C11orf97: variants seen among roughly 807,000 people sequenced by gnomAD.
The protein encoded by C11orf97 is uncharacterized protein C11orf97.
Under a neutral mutation model 16.2 loss-of-function variants are expected in C11orf97, and 15 were observed. The observed-to-expected ratio is 0.93, with a 90% CI of 0.62 to 1.43. C11orf97 has a LOEUF of 1.43. Ranked by LOEUF, C11orf97 falls within the 40% of genes most tolerant of loss-of-function variation. The probability of loss-of-function intolerance (pLI) is 0.00; values close to 1 mark genes in which losing one functional copy is unlikely to be tolerated. For missense variants in C11orf97, 171 were observed against 161.2 expected (o/e 1.06, Z -0.33); for synonymous variants, 61 against 65.7 (o/e 0.93, Z 0.34).
At chr11:94,529,883 G>C (rs922202590) in intron 3 of C11orf97, among the ~76,000 whole-genome samples, 15 of 152,132 alleles carry the variant, frequency 9.9e-5, no homozygotes, top group Middle Eastern at 3.2e-3. Flanking sequence ...CCAAAGTCTG[G>C]GCCACTTGCC....
At chr11:94,520,504 C>T (rs1482939480) in intron 2 of C11orf97, among the ~76,000 whole-genome samples, 1 of 152,192 alleles carries the variant, frequency 6.6e-6, no homozygotes, top group Non-Finnish European at 1.5e-5. Flanking sequence ...CTATACTTTT[C>T]CCCTTAAATC....
intron 2 of C11orf97, among the ~76,000 whole-genome samples, chr11:94,526,320 C>T (rs536348229): frequency 6.6e-6 from 1 of 152,280 alleles, no homozygotes; most frequent in Non-Finnish European, 1.5e-5. Context: ...TTCCTGCAAC[C>T]ATTATCCCTG....
intron 2 of C11orf97, among the ~76,000 whole-genome samples, chr11:94,521,191 C>G (rs1268590474): frequency 6.6e-6 from 1 of 152,214 alleles, no homozygotes; most frequent in Non-Finnish European, 1.5e-5. Context: ...CCTTCTAATC[C>G]CTATACTGCT....
At chr11:94,521,136 C>T (rs1277251429) in intron 2 of C11orf97, among the ~76,000 whole-genome samples, 2 of 152,202 alleles carry the variant, frequency 1.3e-5, no homozygotes, top group Non-Finnish European at 1.5e-5. Flanking sequence ...CTCAGAGAGG[C>T]CTTTCCACTC....
chr11:94,524,444 T>A (rs1333323072), intron 2 of C11orf97, among the ~76,000 whole-genome samples: 1 of 152,040 alleles, frequency 6.6e-6, no homozygotes, highest in East Asian at 1.9e-4. Context: ...AAAAAAGAAA[T>A]GTTACTAGTT....
chr11:94,524,341 CT>C (rs1413432946), intron 2 of C11orf97, among the ~76,000 whole-genome samples: 1 of 152,032 alleles, frequency 6.6e-6, no homozygotes, highest in African/African-American at 2.4e-5. Flanking sequence ...CCATTGGGTT[CT>C]TCTATCTCTC....
chr11:94,518,414 A>G (rs944279593), intron 2 of C11orf97, among the ~76,000 whole-genome samples: 2 of 102,738 alleles, frequency 1.9e-5, no homozygotes, highest in African/African-American at 7.4e-5. Flanking sequence ...TCTGCAGTGG[A>G]GCCCAAGAAT....
chr11:94,524,120 A>ATTTGCAGAGATTATGGTTATCATT (rs1400297850), intron 2 of C11orf97, among the ~76,000 whole-genome samples: 6 of 151,992 alleles, frequency 3.9e-5, no homozygotes, highest in African/African-American at 1.4e-4. Context: ...AATAGTAATA[A>ATTTGCAGAGATTATGGTTATCATT]TGGTTATCAT....
chr11:94,524,291 T>C (rs1947681944), intron 2 of C11orf97, among the ~76,000 whole-genome samples: 1 of 152,194 alleles, frequency 6.6e-6, no homozygotes, highest in Non-Finnish European at 1.5e-5. Flanking sequence ...CACTGATACT[T>C]GGATGCAGGT....
chr11:94,532,042 A>G lies in C11orf97; in HGVS notation c.*142A>G, dbSNP rs190037553. On this transcript the variant is annotated 3_prime_UTR_variant, in exon 4 of 4. Transcript: ENST00000542198. ...ATTACTATTATTGGTATTAATACCTATCTATAAATTAATCCAAAGTAATGA... is the reference window on the plus strand; with the variant it reads ...ATTACTATTATTGGTATTAATACCTGTCTATAAATTAATCCAAAGTAATGA... 1.8e-5 allele frequency: 9 copies of G among 506,152 alleles called. No homozygotes were observed. In the African/African-American group the frequency reaches 1.8e-4, roughly 10 times the overall value. The allele number at this position is 506,152 out of a possible 1,614,324, so 31.4% of individuals were successfully genotyped here.
chr11:94,515,598 T>TTTTTTTCCTTTTCCTTTCCTC (rs1449008555), intron 1 of C11orf97, among the ~76,000 whole-genome samples: 3 of 144,576 alleles, frequency 2.1e-5, no homozygotes, highest in South Asian at 4.5e-4. Context: ...CCTTTCTCCT[T>TTTTTTTCCTTTTCCTTTCCTC]TTTTTTCCTT....
rs1947699580 is a variant in C11orf97, at chr11:94,526,245, A to T, written c.251-1839A>T. On this transcript the variant is annotated intron_variant, in intron 2 of 3. Coordinates refer to ENST00000542198, the MANE Select transcript of C11orf97 (RefSeq NM_001190462.2). ...TTCTAGACCCCCTTTTATCCAGTCA[A>T]ATATATCACCTTCTGTAACTTCTTC... 1.3e-5 allele frequency among the ~76,000 whole-genome samples: 2 copies of T among 152,198 alleles called. 1 individual carries two copies. The highest frequency in any genetic ancestry group is 4.1e-4 in the South Asian group (2 of 4,830).
Position 94,518,861 on chromosome 11 carries a change from G to A in C11orf97, c.250+1174G>A, listed in dbSNP as rs1223710530. ...AGGATTCCTAAGAGAGAGGCTGCAG[G>A]CCCAGAAGTCCATCATTTCAGATTA... On this transcript the variant is annotated intron_variant, in intron 2 of 3. Coordinates refer to ENST00000542198, the MANE Select transcript of C11orf97 (RefSeq NM_001190462.2). 3.9e-5 allele frequency among the ~76,000 whole-genome samples: 6 copies of A among 152,176 alleles called. No individual in the cohort carries two copies. In the East Asian group the frequency reaches 1.2e-3, roughly 29 times the overall value.
chr11:94,517,420 C>T (rs552983204), intron 1 of C11orf97, among the ~76,000 whole-genome samples, 163 bp from the exon 2 acceptor site: 114 of 152,244 alleles, frequency 7.5e-4, no homozygotes, highest in Non-Finnish European at 1.4e-3. Flanking sequence ...CTAAAGTTTC[C>T]ATGGAAGAGA....
chr11:94,517,783 TA>T, intron 2 of C11orf97, 96 bp downstream of exon 2: 1 of 846,328 alleles, frequency 1.2e-6, no homozygotes, highest in East Asian at 3.1e-5. Flanking sequence ...ACTATTGAAA[TA>T]AAAAGTTTTT....
chr11:94,524,520 C>A (rs1187365580), intron 2 of C11orf97, among the ~76,000 whole-genome samples: 2 of 141,038 alleles, frequency 1.4e-5, no homozygotes, highest in African/African-American at 5.3e-5. Flanking sequence ...GTTTCAGAGG[C>A]TTTCTGCATT....
At chr11:94,525,523 A>G (rs1947692995) in intron 2 of C11orf97, among the ~76,000 whole-genome samples, 1 of 152,222 alleles carries the variant, frequency 6.6e-6, no homozygotes, top group Non-Finnish European at 1.5e-5. Flanking sequence ...TGTTTTTTGT[A>G]CCTACAATAT....
chr11:94,531,890 C>A lies in C11orf97; in HGVS notation c.377-6C>A. ...CTTATTTTTTCACTTTTTTTTTTAA[C>A]TCTAGGATAAGATGAATTAGATTTT... is the stretch of plus-strand genomic sequence containing the variant. On this transcript the variant is annotated splice_region_variant and splice_polypyrimidine_tract_variant and intron_variant, in intron 3 of 3. Coordinates refer to ENST00000542198, the MANE Select transcript of C11orf97 (RefSeq NM_001190462.2). The A allele has an allele frequency of 2.1e-6, 3 of 1,448,276 alleles. No homozygotes were observed. The highest frequency in any genetic ancestry group is 1.4e-5 in the South Asian group (1 of 73,808). The allele number at this position is 1,448,276 out of a possible 1,614,324, so 89.7% of individuals were successfully genotyped here. A position where few individuals can be genotyped will look rare whatever the true frequency, so the allele number is the denominator to read the frequency against.
intron 3 of C11orf97, among the ~76,000 whole-genome samples, chr11:94,529,864 T>C (rs1312728214): frequency 2.0e-5 from 3 of 152,212 alleles, no homozygotes; most frequent in Non-Finnish European, 4.4e-5. Flanking sequence ...GAATTAATGG[T>C]TGATTCAACC....
Sources: gnomAD v4.1 joint callset for allele counts (sites outside exome capture counted in the v4.1 genomes callset) on GRCh38, gnomAD v4.1.1 for gene constraint, MANE v1.5 for transcripts, NCBI Gene and HGNC (gene_info 2026-07-23, HGNC 2026-07-21) for gene names.